FZD3: variants seen among roughly 807,000 people sequenced by gnomAD.
FZD3 encodes frizzled-3.
Under a neutral mutation model 60.7 loss-of-function variants are expected in FZD3, and 30 were observed. That is an observed-to-expected ratio of 0.49 (90% confidence interval 0.37 to 0.67). The LOEUF (loss-of-function observed/expected upper bound fraction) is 0.67. Among genes scored for constraint, FZD3 ranks in the 30% least tolerant of loss-of-function variants. The pLI, the probability that FZD3 is intolerant of heterozygous loss-of-function variation, is 0.00. For missense variants in FZD3, 605 were observed against 838.7 expected, an observed-to-expected ratio of 0.72 and a Z score of 3.44; for synonymous variants, 246 against 275.2, an observed-to-expected ratio of 0.89 and a Z score of 1.05.
intron 3 of FZD3, among the ~76,000 whole-genome samples, chr8:28,520,272 A>G (rs1431664941): frequency 6.6e-6 from 1 of 151,932 alleles, no homozygotes; most frequent in Non-Finnish European, 1.5e-5. Context: ...AAGAAAACGA[A>G]AATTTCTTGT....
At chr8:28,556,117 C>A in intron 7 of FZD3, 146 bp downstream of exon 7, 1 of 628,616 alleles carries the variant, frequency 1.6e-6, no homozygotes. Flanking sequence ...AGACTATGGT[C>A]AGACTTAAAG....
intron 5 of FZD3, among the ~76,000 whole-genome samples, chr8:28,543,732 AT>A (rs1201720615): frequency 2.0e-5 from 3 of 152,050 alleles, no homozygotes; most frequent in Non-Finnish European, 2.9e-5. Flanking sequence ...AAAAAAAAAA[AT>A]GTATACAGTC....
intron 5 of FZD3, among the ~76,000 whole-genome samples, chr8:28,532,921 C>T (rs950297630): frequency 2.6e-5 from 4 of 152,204 alleles, no homozygotes; most frequent in Admixed American, 6.5e-5. Flanking sequence ...CTGTAAAACT[C>T]TGTCCTCATA....
chr8:28,523,884 T>G (rs954865884), intron 4 of FZD3, among the ~76,000 whole-genome samples: 2 of 152,144 alleles, frequency 1.3e-5, no homozygotes, highest in African/African-American at 4.8e-5. Flanking sequence ...ATTAATGCCA[T>G]TATCTCAGGG....
At chr8:28,523,398 A>G (rs780604060) in intron 4 of FZD3, among the ~76,000 whole-genome samples, 1 of 152,042 alleles carries the variant, frequency 6.6e-6, no homozygotes, top group African/African-American at 2.4e-5. Context: ...TTTTATAGGG[A>G]CATTAATCCT....
At chr8:28,532,463 C>G (rs1281467320) in intron 5 of FZD3, among the ~76,000 whole-genome samples, 1 of 152,164 alleles carries the variant, frequency 6.6e-6, no homozygotes, top group African/African-American at 2.4e-5. Flanking sequence ...AAGTCTCGCT[C>G]TGTTGCCTAG....
chr8:28,544,930 A>T (rs1805260047), intron 5 of FZD3, among the ~76,000 whole-genome samples: 3 of 152,146 alleles, frequency 2.0e-5, no homozygotes, highest in Admixed American at 2.0e-4. Context: ...CAGAGTCCTG[A>T]GTTGATGCAG....
intron 3 of FZD3, among the ~76,000 whole-genome samples, chr8:28,503,831 A>G (rs1341547742): frequency 1.3e-5 from 2 of 152,146 alleles, no homozygotes; most frequent in Admixed American, 1.3e-4. Flanking sequence ...TACCTCTACC[A>G]CTTTCTAGCT....
rs1805743074 is a variant in FZD3, at chr8:28,568,395, G to A, written c.*5384G>A. On this transcript the variant is annotated 3_prime_UTR_variant, in exon 8 of 8. Transcript: ENST00000240093. The stretch of plus-strand genomic sequence containing the variant: ...GTTCCGATTAGATGAATTTGGGAAA[G>A]GAGTAGGAAGACTAGGTATCGCATG... 2 of 152,104 alleles carry A rather than the reference G, an allele frequency of 1.3e-5. No homozygotes were observed. Among genetic ancestry groups the A allele is most frequent in the South Asian group, 4.1e-4 (2 of 4,824 alleles). 9.4% of individuals were successfully genotyped at this position (152,104 alleles called of 1,614,324 possible). A position where few individuals can be genotyped will look rare whatever the true frequency, so the allele number is the denominator to read the frequency against.
rs948983946 is a variant in FZD3, at chr8:28,573,355, A to G, written c.*10344A>G. The stretch of plus-strand genomic sequence containing the variant: ...ATTAATGTCAGTGAGTAGAATCTTA[A>G]GCTTTAAAACAAAAGTGGAAATAAT... On this transcript the variant is annotated 3_prime_UTR_variant, in exon 8 of 8. Coordinates refer to ENST00000240093, the MANE Select transcript of FZD3 (RefSeq NM_017412.4). 2 of 152,068 alleles carry G rather than the reference A, an allele frequency of 1.3e-5. No homozygotes were observed. The highest frequency in any genetic ancestry group is 4.8e-5 in the African/African-American group (2 of 41,412). 9.4% of individuals were successfully genotyped at this position (152,068 alleles called of 1,614,324 possible).
intron 4 of FZD3, among the ~76,000 whole-genome samples, chr8:28,522,223 G>C (rs1240798187): frequency 6.7e-6 from 1 of 149,064 alleles, no homozygotes; most frequent in Admixed American, 6.7e-5. Context: ...TCCTGCCTTA[G>C]CCTCATGGAT....
intron 5 of FZD3, among the ~76,000 whole-genome samples, chr8:28,535,658 C>T (rs934283780): frequency 6.6e-6 from 1 of 151,952 alleles, no homozygotes; most frequent in Non-Finnish European, 1.5e-5. Context: ...TATTGAATGC[C>T]TAAATTCTGA....
rs777091802 is a variant in FZD3 at position 28,520,627 on chromosome 8, C to A, written c.190-11C>A. ...TCTTTAACTAATTATTCAATTTTAACTTTTCCCTAGCCATTCCACCCTATG... is the reference window on the plus strand; with the variant it reads ...TCTTTAACTAATTATTCAATTTTAAATTTTCCCTAGCCATTCCACCCTATG... On this transcript the variant is annotated splice_polypyrimidine_tract_variant and intron_variant, in intron 3 of 7. Transcript: ENST00000240093. 7.3e-6 allele frequency: 11 copies of A among 1,509,110 alleles called. No individual in the cohort carries two copies. Among genetic ancestry groups the A allele is most frequent in the Non-Finnish European group, 8.9e-6 (10 of 1,117,738 alleles). The allele number at this position is 1,509,110 out of a possible 1,614,324, so 93.5% of individuals were successfully genotyped here.
chr8:28,543,882 A>T (rs756614241), intron 5 of FZD3, among the ~76,000 whole-genome samples: 5 of 152,104 alleles, frequency 3.3e-5, no homozygotes, highest in Non-Finnish European at 4.4e-5. Flanking sequence ...ATTAGAATAA[A>T]CCTTAGAATT....
At chr8:28,537,459 C>G (rs1336198924) in intron 5 of FZD3, among the ~76,000 whole-genome samples, 1 of 152,026 alleles carries the variant, frequency 6.6e-6, no homozygotes, top group Non-Finnish European at 1.5e-5. Flanking sequence ...TGTAAAAGAT[C>G]AGATAATAAA....
intron 5 of FZD3, among the ~76,000 whole-genome samples, chr8:28,543,955 A>T (rs1012307734): frequency 6.6e-6 from 1 of 152,084 alleles, no homozygotes; most frequent in Non-Finnish European, 1.5e-5. Context: ...GAAAACACTG[A>T]GGTAAACAAA....
At chr8:28,503,245 C>G (rs1804046503) in intron 3 of FZD3, 43 bp downstream of exon 3, 2 of 1,247,814 alleles carry the variant, frequency 1.6e-6, no homozygotes, top group South Asian at 2.6e-5. Flanking sequence ...GTAAATGACT[C>G]TTGTGTTGTC....
At chr8:28,505,773 T>C (rs1416864380) in intron 3 of FZD3, among the ~76,000 whole-genome samples, 1 of 152,250 alleles carries the variant, frequency 6.6e-6, no homozygotes, top group African/African-American at 2.4e-5. Flanking sequence ...TTTTAAGTTT[T>C]ATTCACAATC....
At chr8:28,494,925 C>T (rs979235887) in intron 1 of FZD3, among the ~76,000 whole-genome samples, 1 of 152,284 alleles carries the variant, frequency 6.6e-6, no homozygotes, top group African/African-American at 2.4e-5. Flanking sequence ...CTGAAAGTTT[C>T]CCCTCCCGTC....
Sources: allele counts gnomAD v4.1 joint callset (sites outside exome capture counted in the v4.1 genomes callset), GRCh38; gene constraint gnomAD v4.1.1; transcripts MANE v1.5; gene names NCBI Gene and HGNC (gene_info 2026-07-23, HGNC 2026-07-21).